CACNA1C: variants seen among roughly 807,000 people sequenced by gnomAD.
CACNA1C encodes voltage-dependent L-type calcium channel subunit alpha-1C.
Under a neutral mutation model 229.0 loss-of-function variants are expected in CACNA1C, and 30 were observed. That is an observed-to-expected ratio of 0.13 (90% CI 0.10 to 0.18). The LOEUF (loss-of-function observed/expected upper bound fraction) is 0.18. CACNA1C is among the 10% of genes least tolerant of loss of function. The pLI, the probability that CACNA1C is intolerant of heterozygous loss-of-function variation, is 1.00. For missense variants in CACNA1C, 1,658 were observed against 2,845.0 expected (o/e 0.58, Z 9.49); for synonymous variants, 1,114 against 1,132.5 (o/e 0.98, Z 0.33).
chr12:2,175,579 C>T (rs1023361448), intron 3 of CACNA1C, among the ~76,000 whole-genome samples: 10 of 152,156 alleles, frequency 6.6e-5, no homozygotes, highest in African/African-American at 2.4e-4. Flanking sequence ...GGATTGGCAG[C>T]CTCATCCTTC....
At chr12:2,252,663 C>A (rs1402283199) in intron 3 of CACNA1C, among the ~76,000 whole-genome samples, 2 of 152,186 alleles carry the variant, frequency 1.3e-5, no homozygotes, top group African/African-American at 4.8e-5. Context: ...TATTCAGGTT[C>A]TATGTAGAGC....
chr12:2,474,373 T>C (rs931741517), intron 5 of CACNA1C, among the ~76,000 whole-genome samples: 7 of 152,232 alleles, frequency 4.6e-5, no homozygotes, highest in African/African-American at 1.7e-4. Context: ...GAATATATCC[T>C]TGTATTCAAA....
chr12:2,050,758 C>G (rs1329860691), upstream of CACNA1C, among the ~76,000 whole-genome samples: 1 of 152,166 alleles, frequency 6.6e-6, no homozygotes, highest in South Asian at 2.1e-4. Flanking sequence ...ATACTTCTCC[C>G]AGGGGCACTT....
At chr12:2,515,430 A>G (rs2099794530) in intron 9 of CACNA1C, among the ~76,000 whole-genome samples, 1 of 152,236 alleles carries the variant, frequency 6.6e-6, no homozygotes, top group African/African-American at 2.4e-5. Context: ...TTTGAAACAA[A>G]TACAAGGGGA....
At chr12:2,071,822 A>G (rs1465272875) in intron 1 of CACNA1C, among the ~76,000 whole-genome samples, 1 of 152,112 alleles carries the variant, frequency 6.6e-6, no homozygotes, top group Admixed American at 6.6e-5. Context: ...TAGTTTTTTC[A>G]TAGAGTATCT....
chr12:2,223,292 G>A (rs1287344132), intron 3 of CACNA1C: 1 of 152,202 alleles, frequency 6.6e-6, no homozygotes, highest in Non-Finnish European at 1.5e-5. Context: ...AAGCAGCCAG[G>A]TCTAACCAAC....
intron 9 of CACNA1C, among the ~76,000 whole-genome samples, chr12:2,534,176 C>A (rs1437681484): frequency 4.6e-5 from 7 of 152,144 alleles, no homozygotes; most frequent in Non-Finnish European, 1.0e-4. Context: ...TCCCAGCAAG[C>A]GCCCTGGATG....
At chr12:2,004,962 CA>C (rs542036357) in intron 1 of CACNA1C, among the ~76,000 whole-genome samples, 1 of 143,684 alleles carries the variant, frequency 7.0e-6, no homozygotes. Context: ...TCTGCAAGGT[CA>C]AAAAAAAAAC....
chr12:2,694,911 C>G lies in CACNA1C; in HGVS notation c.*3712C>G, dbSNP rs1401458145. On this transcript the variant is annotated 3_prime_UTR_variant, in exon 47 of 47. Transcript: ENST00000399655. ...AATGTAGGTCAGGGATAGAGTGGAA[C>G]CCTGGTCATCGGGGTTTTTAGCCTC... 6.6e-6 allele frequency: 1 copy of G among 152,204 alleles called. No homozygotes were observed. The highest frequency in any genetic ancestry group is 2.4e-5 in the African/African-American group (1 of 41,430). The allele number at this position is 152,204 out of a possible 1,614,324, so 9.4% of individuals were successfully genotyped here.
At chr12:2,123,367 C>A (rs960019962) in intron 3 of CACNA1C, among the ~76,000 whole-genome samples, 3 of 114,144 alleles carry the variant, frequency 2.6e-5, no homozygotes, top group South Asian at 6.6e-4. Flanking sequence ...CAGAAGGAGA[C>A]TCCATCTCAA....
intron 3 of CACNA1C, among the ~76,000 whole-genome samples, chr12:2,156,120 C>T (rs1338030573): frequency 6.6e-6 from 1 of 151,952 alleles, no homozygotes; most frequent in African/African-American, 2.4e-5. Context: ...AAAAATGGGC[C>T]AAATGAAGCT....
chr12:2,342,400 GCATT>G (rs2096891230), intron 3 of CACNA1C, among the ~76,000 whole-genome samples: 1 of 152,100 alleles, frequency 6.6e-6, no homozygotes, highest in African/African-American at 2.4e-5. Flanking sequence ...TTTACTATAG[GCATT>G]CATTCATCCT....
At chr12:2,668,114 T>C (rs1391672397) in intron 37 of CACNA1C, among the ~76,000 whole-genome samples, 1 of 94,186 alleles carries the variant, frequency 1.1e-5, no homozygotes, top group African/African-American at 2.6e-5. Flanking sequence ...GCAAAGCTCC[T>C]GTGATCCTTT....
chr12:2,345,077 G>A (rs1044134146), intron 3 of CACNA1C, among the ~76,000 whole-genome samples: 6 of 149,404 alleles, frequency 4.0e-5, no homozygotes, highest in Non-Finnish European at 7.4e-5. Flanking sequence ...CATGTCTGTG[G>A]GTTTGAATGA....
At chr12:2,360,540 C>T (rs1159000933) in intron 3 of CACNA1C, among the ~76,000 whole-genome samples, 1 of 152,228 alleles carries the variant, frequency 6.6e-6, no homozygotes, top group Admixed American at 6.5e-5. Context: ...TCTTAGGTCA[C>T]AGTTCTGTGG....
At chr12:2,325,401 T>A (rs978091628) in intron 3 of CACNA1C, among the ~76,000 whole-genome samples, 31 of 152,260 alleles carry the variant, frequency 2.0e-4, no homozygotes, top group Non-Finnish European at 7.3e-5. Flanking sequence ...AACAGAGGAC[T>A]CCTGGAACCA....
chr12:2,203,487 G>A (rs918014285), intron 3 of CACNA1C, among the ~76,000 whole-genome samples: 15 of 152,158 alleles, frequency 9.9e-5, no homozygotes, highest in Non-Finnish European at 2.9e-5. Flanking sequence ...CAGAAGTCCC[G>A]CACCAGCTTC....
intron 3 of CACNA1C, among the ~76,000 whole-genome samples, chr12:2,334,324 A>G (rs1258260219): frequency 6.6e-6 from 1 of 152,216 alleles, no homozygotes; most frequent in Non-Finnish European, 1.5e-5. Context: ...GGAACTGAGG[A>G]GAGAGAAAGC....
At chr12:2,474,762 A>G (rs1332066556) in intron 5 of CACNA1C, among the ~76,000 whole-genome samples, 1 of 151,756 alleles carries the variant, frequency 6.6e-6, no homozygotes, top group Non-Finnish European at 1.5e-5. Context: ...ATCTCAAAAA[A>G]AAAAAAAAAA....
Sources: gnomAD v4.1 joint callset for allele counts (sites outside exome capture counted in the v4.1 genomes callset) on GRCh38, gnomAD v4.1.1 for gene constraint, MANE v1.5 for transcripts, NCBI Gene and HGNC (gene_info 2026-07-23, HGNC 2026-07-21) for gene names.